Variants in XYLB observed in about 807,000 individuals in gnomAD.
XYLB encodes xylulose kinase.
Under a neutral mutation model 78.7 loss-of-function variants are expected in XYLB, and 62 were observed. The observed-to-expected ratio is 0.79, with a 90% CI of 0.64 to 0.97. XYLB has a LOEUF of 0.97. XYLB is among the 50% of genes least tolerant of loss of function. The probability of loss-of-function intolerance (pLI) is 0.00; values close to 1 mark genes in which losing one functional copy is unlikely to be tolerated. For missense variants in XYLB, 687 were observed against 676.8 expected, an observed-to-expected ratio of 1.02 and a Z score of -0.17; for synonymous variants, 245 against 247.4, an observed-to-expected ratio of 0.99 and a Z score of 0.09.
chr3:38,368,858 G>T (rs1251900738), intron 8 of XYLB, among the ~76,000 whole-genome samples: 10 of 151,042 alleles, frequency 6.6e-5, no homozygotes, highest in Non-Finnish European at 7.4e-5. Flanking sequence ...AGTAGGGGAC[G>T]ATCATGGAGC....
intron 14 of XYLB, among the ~76,000 whole-genome samples, chr3:38,377,506 G>A (rs776060571): frequency 9.3e-5 from 14 of 150,516 alleles, no homozygotes; most frequent in Non-Finnish European, 1.8e-4. Flanking sequence ...TGAGTGCAGC[G>A]GGACGATCTC....
chr3:38,372,311 C>CTTT, intron 9 of XYLB: 2 of 693,100 alleles, frequency 2.9e-6, no homozygotes, highest in Non-Finnish European at 3.5e-6. Context: ...GTCCTGTTAC[C>CTTT]TTTTTTTTTT....
At chr3:38,432,607 T>A in the XYLB span, among the ~76,000 whole-genome samples, 1 of 152,116 alleles carries the variant, frequency 6.6e-6, no homozygotes, top group African/African-American at 2.4e-5. Context: ...GTACAGGCAT[T>A]GGGTAAATAT....
chr3:38,368,318 A>G (rs1236285758), intron 8 of XYLB, 61 bp downstream of exon 8: 1 of 1,507,522 alleles, frequency 6.6e-7, no homozygotes, highest in East Asian at 2.3e-5. Flanking sequence ...TGGGTGTGCA[A>G]GCAGTGGGAG....
intron 2 of XYLB, among the ~76,000 whole-genome samples, chr3:38,349,131 A>G (rs1353609376): frequency 6.6e-6 from 1 of 152,212 alleles, no homozygotes; most frequent in East Asian, 1.9e-4. Flanking sequence ...TAGCCAAGCG[A>G]TGGAAGGGAA....
At position 38,375,187 on chromosome 3, in the gene XYLB, A is replaced by G. The variant is rs1385046708; in HGVS notation, c.932A>G (p.Glu311Gly). ...GACACCCTGTTTCTCTGGCTCCAAG[A>G]GCCCATGCCTGCCCTGGAAGGCCAC... ...TSDTLFLWLQ[E>G]PMPALEGHIF... The change falls in exon 12 of 19, where the codon GAG (glutamate) becomes GGG (glycine). Residue 311 changes from glutamate (E) to glycine (G), a missense_variant. Physicochemically the swap from Glu to Gly is moderately conservative, Grantham distance 98 (BLOSUM62 -2). Coordinates refer to ENST00000207870, the MANE Select transcript of XYLB (RefSeq NM_005108.4). The G allele has an allele frequency of 6.2e-7, 1 of 1,614,180 alleles. No individual in the cohort carries two copies. Among genetic ancestry groups the G allele is most frequent in the East Asian group, 2.2e-5 (1 of 44,880 alleles).
chr3:38,359,447 G>A (rs972193719), intron 2 of XYLB, among the ~76,000 whole-genome samples: 3 of 152,058 alleles, frequency 2.0e-5, no homozygotes, highest in African/African-American at 7.3e-5. Flanking sequence ...TTTATGACAG[G>A]CTTAGGGCCT....
Position 38,372,481 on chromosome 3 carries a change from G to T in XYLB, c.766-174G>T, listed in dbSNP as rs573717699. ...CTTCTCTGGCGATTTGTGAACAGGA[G>T]GGACATGCCCAGTTTGTGACAGGAA... is the stretch of plus-strand genomic sequence containing the variant. On this transcript the variant is annotated intron_variant, in intron 9 of 18. Transcript: ENST00000207870. 11 of 985,388 alleles carry T rather than the reference G, an allele frequency of 1.1e-5. No individual in the cohort carries two copies. In the South Asian group the frequency reaches 4.7e-4, roughly 42 times the overall value. The allele number at this position is 985,388 out of a possible 1,614,324, so 61.0% of individuals were successfully genotyped here.
intron 10 of XYLB, 33 bp downstream of exon 10, chr3:38,372,769 A>G: frequency 2.5e-6 from 4 of 1,608,208 alleles, no homozygotes; most frequent in Admixed American, 1.7e-5. Context: ...CTCTCCAGTG[A>G]GCCTGACTGG....
chr3:38,428,311 T>A, the XYLB span, among the ~76,000 whole-genome samples: 1 of 152,366 alleles, frequency 6.6e-6, no homozygotes, highest in South Asian at 2.1e-4. Context: ...TGTTGAGTGT[T>A]CTGTAAATGA....
downstream of XYLB, among the ~76,000 whole-genome samples, chr3:38,423,262 C>T (rs554677944): frequency 1.1e-4 from 17 of 152,168 alleles, no homozygotes; most frequent in South Asian, 1.5e-3. Context: ...TTAGTGGAGA[C>T]GGGGTTTCAC....
chr3:38,365,214 T>C lies in XYLB; in HGVS notation c.307T>C (p.Tyr103His). 6.2e-7 allele frequency: 1 copy of C among 1,614,200 alleles called. No homozygotes were observed. The highest frequency in any genetic ancestry group is 8.5e-7 in the Non-Finnish European group (1 of 1,180,018). ...TTCCCAACAGCAACACGGAAGTATA[T>C]ACTGGAAGGCTGGAGCCCAGCAGGC... is the stretch of plus-strand genomic sequence containing the variant. The part of the protein sequence containing the change: ...SGAGQQHGSI[Y>H]WKAGAQQALT... Residue 103 changes from tyrosine to histidine, a missense_variant, in exon 5 of 19, where the codon TAC (tyrosine) becomes CAC (histidine). Coordinates refer to ENST00000207870, the MANE Select transcript of XYLB (RefSeq NM_005108.4).
intron 3 of XYLB, among the ~76,000 whole-genome samples, chr3:38,362,464 C>T (rs1575467209): frequency 6.6e-6 from 1 of 152,128 alleles, no homozygotes. Context: ...TCTTGAACTC[C>T]TGAGCTCAAG....
rs772146228 is a variant in XYLB at position 38,365,704 on chromosome 3, C to T, written c.475C>T (p.Leu159Phe). 1 of 1,613,678 alleles carries T rather than the reference C, an allele frequency of 6.2e-7. No homozygotes were observed. The highest frequency in any genetic ancestry group is 1.7e-5 in the Admixed American group (1 of 60,000). Residue 159 changes from leucine (L) to phenylalanine (F), a missense_variant, in exon 6 of 19, where the codon CTC becomes TTC. Transcript: ENST00000207870. The stretch of plus-strand genomic sequence containing the variant: ...GGCTGCTGTGGGTGGTGCTCAGGCT[C>T]TCAGCTGCCTCACGGGGTCCCGTGC... ...LEAAVGGAQA[L>F]SCLTGSRAYE...
the XYLB span, among the ~76,000 whole-genome samples, chr3:38,441,471 A>G: frequency 6.6e-6 from 1 of 152,204 alleles, no homozygotes; most frequent in Admixed American, 6.5e-5. Context: ...GACTTCTAAG[A>G]GATCCTCTCA....
At chr3:38,422,675 A>G (rs1388742392), downstream of XYLB, among the ~76,000 whole-genome samples, 2 of 152,152 alleles carry the variant, frequency 1.3e-5, no homozygotes, top group Non-Finnish European at 2.9e-5. Flanking sequence ...TTCTGTACCT[A>G]TAAATTTATG....
chr3:38,419,578 T>TTATATATATATATATATA (rs67869604), downstream of XYLB, among the ~76,000 whole-genome samples: 486 of 68,160 alleles, frequency 7.1e-3, 23 homozygotes, highest in African/African-American at 0.021. Flanking sequence ...TTATTTTTCT[T>TTATATATATATATATATA]TATATATATA....
At chr3:38,403,186 C>T (rs533119377) in intron 18 of XYLB, among the ~76,000 whole-genome samples, 2 of 150,734 alleles carry the variant, frequency 1.3e-5, no homozygotes, top group East Asian at 2.0e-4. Context: ...CCCAGCTACT[C>T]GGGAGGCTGA....
intron 4 of XYLB, 150 bp downstream of exon 4, chr3:38,363,167 C>T (rs1706067832): frequency 1.9e-6 from 1 of 539,444 alleles, no homozygotes; most frequent in East Asian, 3.5e-5. Context: ...ATCCCTACAA[C>T]TATTTTACTT....
Sources: gnomAD v4.1 joint callset for allele counts (sites outside exome capture counted in the v4.1 genomes callset) on GRCh38, gnomAD v4.1.1 for gene constraint, MANE v1.5 for transcripts, NCBI Gene and HGNC (gene_info 2026-07-23, HGNC 2026-07-21) for gene names.